Variants in CCND3 observed in about 807,000 individuals in gnomAD.
CCND3 encodes the protein cyclin D3.
In CCND3, 9 loss-of-function variants were observed where a neutral mutation model predicts 28.7. That is an observed-to-expected ratio of 0.31 (90% CI 0.19 to 0.55). The LOEUF (loss-of-function observed/expected upper bound fraction) is 0.55. Among genes scored for constraint, CCND3 ranks in the 20% least tolerant of loss-of-function variants. The probability of loss-of-function intolerance (pLI) is 0.93; values close to 1 mark genes in which losing one functional copy is unlikely to be tolerated. For missense variants in CCND3, 315 were observed against 385.8 expected, an observed-to-expected ratio of 0.82 and a Z score of 1.54; for synonymous variants, 164 against 163.9, an observed-to-expected ratio of 1.00 and a Z score of 0.00.
Position 41,937,686 on chromosome 6 carries a change from C to T in CCND3, c.415-292G>A. 3 of 412,164 alleles carry T rather than the reference C, an allele frequency of 7.3e-6. No individual in the cohort carries two copies. In the South Asian group the frequency reaches 8.7e-5, roughly 12 times the overall value. 25.5% of individuals were successfully genotyped at this position (412,164 alleles called of 1,614,324 possible). On this transcript the variant is annotated intron_variant, in intron 2 of 4. Coordinates refer to ENST00000372991, the MANE Select transcript of CCND3 (RefSeq NM_001760.5). The stretch of plus-strand genomic sequence containing the variant: ...TGTTTAAGGGGCCAATAATCCAGGC[C>T]TTCTCCTGACTTCATTCAGGGCTCT...
At chr6:41,961,615 G>A (rs1405157600) in intron 1 of CCND3, among the ~76,000 whole-genome samples, 1 of 151,924 alleles carries the variant, frequency 6.6e-6, no homozygotes, top group African/African-American at 2.4e-5. Context: ...CCTCGCTTAC[G>A]TTAGCCTTCC....
chr6:41,946,493 C>A (rs1776172702), upstream of CCND3, among the ~76,000 whole-genome samples: 1 of 145,224 alleles, frequency 6.9e-6, no homozygotes, highest in African/African-American at 2.6e-5. Flanking sequence ...CCCAGCTACT[C>A]AGGAGGCTGA....
chr6:42,014,821 G>C (rs545188311), intron 1 of CCND3, among the ~76,000 whole-genome samples: 1 of 152,138 alleles, frequency 6.6e-6, no homozygotes, highest in South Asian at 2.1e-4. Flanking sequence ...TCTGAGTAGT[G>C]GTTCATTTTC....
chr6:41,978,900 G>T (rs911338144), intron 1 of CCND3, among the ~76,000 whole-genome samples: 4 of 152,216 alleles, frequency 2.6e-5, no homozygotes, highest in African/African-American at 9.6e-5. Context: ...GATCCTGGCT[G>T]GGTGGGGTGG....
chr6:41,941,347 G>C lies in CCND3; in HGVS notation c.198+105C>G. On this transcript the variant is annotated intron_variant, in intron 1 of 4. Coordinates refer to ENST00000372991, the MANE Select transcript of CCND3 (RefSeq NM_001760.5). This position sits in a 1 kb window ranked among gnomAD's most constrained non-coding sequence, Gnocchi z 6.1. ...GCCAGGCCCCGGGAGTCTTAGCCTCGGAGCATCCTGCAGATTGCTGTGGGG... is the reference window on the plus strand; with the variant it reads ...GCCAGGCCCCGGGAGTCTTAGCCTCCGAGCATCCTGCAGATTGCTGTGGGG... 2 of 1,522,356 alleles carry C rather than the reference G, an allele frequency of 1.3e-6. No homozygotes were observed. The highest frequency in any genetic ancestry group is 2.5e-5 in the South Asian group (2 of 79,798). 94.3% of individuals were successfully genotyped at this position (1,522,356 alleles called of 1,614,324 possible).
At chr6:42,047,359 G>A (rs1442770184) in intron 1 of CCND3, among the ~76,000 whole-genome samples, 1 of 152,210 alleles carries the variant, frequency 6.6e-6, no homozygotes, top group Non-Finnish European at 1.5e-5. Flanking sequence ...ATAAATTGCT[G>A]TGTCAGTCAT....
chr6:41,965,958 C>T (rs981037875), intron 1 of CCND3, among the ~76,000 whole-genome samples: 1 of 152,102 alleles, frequency 6.6e-6, no homozygotes, highest in Non-Finnish European at 1.5e-5. Context: ...CCAGGCTGAC[C>T]TCCTGCTGTA....
chr6:41,966,462 C>T (rs1381976051), intron 1 of CCND3, among the ~76,000 whole-genome samples: 1 of 152,076 alleles, frequency 6.6e-6, no homozygotes, highest in Non-Finnish European at 1.5e-5. Context: ...ACTCCCAGAA[C>T]TGAAAATCAG....
upstream of CCND3, among the ~76,000 whole-genome samples, chr6:41,945,917 C>G (rs1776155916): frequency 6.6e-6 from 1 of 152,150 alleles, no homozygotes; most frequent in African/African-American, 2.4e-5. Context: ...CAAGGAGTAC[C>G]CTTTCTGTTA....
chr6:41,990,025 C>T (rs1200777317), intron 1 of CCND3, among the ~76,000 whole-genome samples: 4 of 152,046 alleles, frequency 2.6e-5, no homozygotes, highest in African/African-American at 9.7e-5. Flanking sequence ...CAAATTGTTC[C>T]AGTTTGCAGA....
At chr6:42,046,654 G>T (rs565004214) in intron 1 of CCND3, among the ~76,000 whole-genome samples, 1 of 150,982 alleles carries the variant, frequency 6.6e-6, no homozygotes, top group Non-Finnish European at 1.5e-5. Context: ...ACACGCGCGC[G>T]CACACACACA....
intron 1 of CCND3, among the ~76,000 whole-genome samples, chr6:41,974,548 A>G (rs1762121756): frequency 6.6e-6 from 1 of 152,074 alleles, no homozygotes; most frequent in South Asian, 2.1e-4. Context: ...GGAAACCCAC[A>G]GCTGTCTGCA....
rs111992788 is a variant in CCND3 at position 41,936,556 on chromosome 6, C to T, written c.711+3G>A. On this transcript the variant is annotated splice_donor_region_variant and intron_variant, in intron 4 of 4. Coordinates refer to ENST00000372991, the MANE Select transcript of CCND3 (RefSeq NM_001760.5). This position sits in a 1 kb window ranked among gnomAD's most constrained non-coding sequence, Gnocchi z 4.4. ...GGCTGCTGCCCAGCTACCCAGCACT[C>T]ACCACTTCAGTGCCAGTGATCCCTG... 2 of 1,614,146 alleles carry T rather than the reference C, an allele frequency of 1.2e-6. No homozygotes were observed. Among genetic ancestry groups the T allele is most frequent in the Non-Finnish European group, 1.7e-6 (2 of 1,179,990 alleles).
chr6:41,940,414 G>A lies in CCND3; in HGVS notation c.370C>T (p.Leu124=), dbSNP rs754085086. Residue 124 remains leucine, a synonymous_variant, in exon 2 of 5, where the codon CTG becomes TTG. Coordinates refer to ENST00000372991, the MANE Select transcript of CCND3 (RefSeq NM_001760.5). ...ACAGCGTGGTCGGTGTAGATGCACA[G>A]TTTTTCGATGGTCAGGGGCGTGGTC... ...RETTPLTIEK[L]CIYTDHAVSP... The A allele has an allele frequency of 4.3e-6, 7 of 1,613,942 alleles. No homozygotes were observed. In the South Asian group the frequency reaches 7.7e-5, roughly 18 times the overall value.
chr6:41,972,211 G>C (rs1406142235), intron 1 of CCND3, among the ~76,000 whole-genome samples: 4 of 117,706 alleles, frequency 3.4e-5, no homozygotes, highest in Admixed American at 1.9e-4. Flanking sequence ...CTGGGCAACA[G>C]AGCGAGACTC....
chr6:41,990,227 A>C (rs1266490170), intron 1 of CCND3, among the ~76,000 whole-genome samples: 1 of 152,066 alleles, frequency 6.6e-6, no homozygotes, highest in African/African-American at 2.4e-5. Flanking sequence ...CCTACAAATA[A>C]ATTTTACCAA....
intron 1 of CCND3, among the ~76,000 whole-genome samples, chr6:41,997,919 A>C (rs1762857744): frequency 6.6e-6 from 1 of 151,604 alleles, no homozygotes; most frequent in South Asian, 2.1e-4. Flanking sequence ...AGGCGGGTGG[A>C]TCACCTGAGG....
intron 1 of CCND3, among the ~76,000 whole-genome samples, chr6:41,958,000 C>CCTTT (rs1554160174): frequency 7.9e-6 from 1 of 127,042 alleles, no homozygotes; most frequent in Non-Finnish European, 1.6e-5. Context: ...TTATCTTTAT[C>CCTTT]TTTTTTTTTT....
intron 1 of CCND3, among the ~76,000 whole-genome samples, chr6:42,004,161 T>A (rs1763113878): frequency 6.7e-6 from 1 of 150,180 alleles, no homozygotes; most frequent in Non-Finnish European, 1.5e-5. Context: ...AATGGTGGGA[T>A]CCTGGCTCGC....
Sources: gnomAD v4.1 joint callset for allele counts (sites outside exome capture counted in the v4.1 genomes callset) on GRCh38, gnomAD v4.1.1 for gene constraint, Gnocchi (gnomAD v3.1) non-coding constraint, MANE v1.5 for transcripts, NCBI Gene and HGNC (gene_info 2026-07-23, HGNC 2026-07-21) for gene names.